Variants in SLC24A2 observed in about 807,000 individuals in gnomAD.
SLC24A2 encodes the protein sodium/potassium/calcium exchanger 2.
SLC24A2 carries 36 observed loss-of-function variants against 62.0 expected under a neutral mutation model. The ratio of observed to expected loss-of-function variants is 0.58; its 90% CI spans 0.44 to 0.77. The LOEUF is 0.77. Among genes scored for constraint, SLC24A2 ranks in the 30% least tolerant of loss-of-function variants. The pLI is 0.00. For missense variants in SLC24A2, 846 were observed against 817.9 expected (o/e 1.03, Z -0.42); for synonymous variants, 358 against 294.0 (o/e 1.22, Z -2.23).
the SLC24A2 span, among the ~76,000 whole-genome samples, chr9:20,137,798 A>G: frequency 7.2e-5 from 11 of 152,326 alleles, no homozygotes; most frequent in African/African-American, 2.4e-4. Flanking sequence ...ATGTTGAATG[A>G]AAAACAGCCA....
At chr9:19,519,314 T>C (rs184154123) in intron 10 of SLC24A2, among the ~76,000 whole-genome samples, 1 of 140,772 alleles carries the variant, frequency 7.1e-6, no homozygotes, top group Admixed American at 7.0e-5. Flanking sequence ...TTCCGAGTAA[T>C]AGGATTAGGA....
In SLC24A2 at chr9:19,511,412, G is replaced by A. The variant is rs1429208183; in HGVS notation, c.*4741C>T. 2.0e-5 allele frequency: 3 copies of A among 152,064 alleles called. No homozygotes were observed. Among genetic ancestry groups the A allele is most frequent in the Admixed American group, 1.3e-4 (2 of 15,256 alleles). 9.4% of individuals were successfully genotyped at this position (152,064 alleles called of 1,614,324 possible). On this transcript the variant is annotated 3_prime_UTR_variant, in exon 11 of 11. Transcript: ENST00000341998. ...TAAAAAAATCTAAAACTGTATATGG[G>A]CTCTTGTAATTGGCTAAACATAGCC...
chr9:19,762,704 T>C (rs1022783714), intron 2 of SLC24A2, among the ~76,000 whole-genome samples: 14 of 152,278 alleles, frequency 9.2e-5, no homozygotes, highest in African/African-American at 3.1e-4. Flanking sequence ...CTGTTTTGGT[T>C]ACTGTGGCCT....
intron 8 of SLC24A2, among the ~76,000 whole-genome samples, chr9:19,541,516 TC>T: frequency 7.0e-6 from 1 of 143,782 alleles, no homozygotes; most frequent in South Asian, 2.3e-4. Flanking sequence ...GTTAGGCTGC[TC>T]GGGGGTCAGG....
the SLC24A2 span, among the ~76,000 whole-genome samples, chr9:20,051,477 G>A: frequency 6.6e-6 from 1 of 151,872 alleles, no homozygotes; most frequent in African/African-American, 2.4e-5. Context: ...TCAACAACAT[G>A]ATTAGCAAAC....
the SLC24A2 span, among the ~76,000 whole-genome samples, chr9:20,137,719 A>C: frequency 6.6e-6 from 1 of 152,158 alleles, no homozygotes; most frequent in East Asian, 1.9e-4. Flanking sequence ...TGTTTAGGCT[A>C]TTTTTAGAGC....
At chr9:19,945,890 C>T in the SLC24A2 span, among the ~76,000 whole-genome samples, 1 of 152,178 alleles carries the variant, frequency 6.6e-6, no homozygotes, top group African/African-American at 2.4e-5. Context: ...AGGAGGCTGC[C>T]AAGTTCCTAT....
At position 19,666,427 on chromosome 9, in the gene SLC24A2, T is replaced by C. The variant is rs1209392873; in HGVS notation, c.931-44128A>G. Among the ~76,000 whole-genome samples the C allele has an allele frequency of 3.3e-5, 5 of 152,258 alleles. No individual in the cohort carries two copies. The East Asian group carries it at 7.7e-4, about 24-fold the overall frequency. ...TTTTAAAAAAATCATTATTTTAAAA[T>C]AAAGTAGAGAGGATCTTGTTTTTAT... On this transcript the variant is annotated intron_variant, in intron 2 of 10. Coordinates refer to ENST00000341998, the MANE Select transcript of SLC24A2 (RefSeq NM_020344.4).
the SLC24A2 span, among the ~76,000 whole-genome samples, chr9:20,010,437 T>G: frequency 6.6e-6 from 1 of 152,060 alleles, no homozygotes; most frequent in Non-Finnish European, 1.5e-5. Flanking sequence ...TGACATATAA[T>G]TCAGAATAAT....
At chr9:19,841,935 A>C in the SLC24A2 span, among the ~76,000 whole-genome samples, 1 of 152,332 alleles carries the variant, frequency 6.6e-6, no homozygotes, top group South Asian at 2.1e-4. Flanking sequence ...TGGGCTTAAC[A>C]GCATGAACTT....
rs72687727 is a variant in SLC24A2 at position 19,750,925 on chromosome 9, A to T, written c.930+35012T>A. Among the ~76,000 whole-genome samples, 126 of 152,160 alleles carry T rather than the reference A, an allele frequency of 8.3e-4. 1 individual carries two copies. Among genetic ancestry groups the T allele is most frequent in the South Asian group, 1.5e-3 (7 of 4,812 alleles). ...CTTTTGTCTGGCAAACTCACTGAAGACCCTGCTCTAGTGTTAGACCGGCTT... is the reference window on the plus strand; with the variant it reads ...CTTTTGTCTGGCAAACTCACTGAAGTCCCTGCTCTAGTGTTAGACCGGCTT... On this transcript the variant is annotated intron_variant, in intron 2 of 10. Transcript: ENST00000341998.
the SLC24A2 span, among the ~76,000 whole-genome samples, chr9:20,053,223 C>T: frequency 1.3e-5 from 2 of 152,096 alleles, no homozygotes; most frequent in Admixed American, 6.6e-5. Flanking sequence ...TATCCTTCTG[C>T]TTCATCCAGC....
chr9:20,269,240 A>G, the SLC24A2 span, among the ~76,000 whole-genome samples: 1 of 152,110 alleles, frequency 6.6e-6, no homozygotes, highest in Non-Finnish European at 1.5e-5. Context: ...ATAAATGCAT[A>G]TGAATCTTTC....
the SLC24A2 span, among the ~76,000 whole-genome samples, chr9:20,190,249 C>G: frequency 6.6e-6 from 1 of 152,114 alleles, no homozygotes; most frequent in African/African-American, 2.4e-5. Flanking sequence ...AGGGACTATG[C>G]CAGGGCAGTC....
At chr9:20,193,341 C>T in the SLC24A2 span, among the ~76,000 whole-genome samples, 3 of 152,012 alleles carry the variant, frequency 2.0e-5, no homozygotes, top group Non-Finnish European at 4.4e-5. Context: ...TAAAATGGTA[C>T]CTGGCTAGAG....
the SLC24A2 span, among the ~76,000 whole-genome samples, chr9:20,019,137 GAAAGAAAGAAAGAA>G: frequency 1.7e-3 from 183 of 105,478 alleles, 5 homozygotes; most frequent in African/African-American, 6.5e-3. Flanking sequence ...AAGAAAGAAA[GAAAGAAAGAAAGAA>G]AGAAAGAGAG....
the SLC24A2 span, among the ~76,000 whole-genome samples, chr9:19,846,632 G>T: frequency 6.6e-6 from 1 of 152,116 alleles, no homozygotes; most frequent in Admixed American, 6.6e-5. Flanking sequence ...TTATTACAAA[G>T]TTGTTAGCTG....
chr9:20,237,008 A>G, the SLC24A2 span, among the ~76,000 whole-genome samples: 1 of 152,028 alleles, frequency 6.6e-6, no homozygotes, highest in Non-Finnish European at 1.5e-5. Context: ...AGCAGAAGCC[A>G]GGTGTGTCTC....
intron 2 of SLC24A2, among the ~76,000 whole-genome samples, chr9:19,642,773 C>T (rs1327409125): frequency 1.7e-4 from 25 of 145,284 alleles, no homozygotes; most frequent in African/African-American, 6.1e-4. Flanking sequence ...CTCCGCCTCC[C>T]GGGTTCAAGC....
Sources: allele counts gnomAD v4.1 joint callset (sites outside exome capture counted in the v4.1 genomes callset), GRCh38; gene constraint gnomAD v4.1.1; transcripts MANE v1.5; gene names NCBI Gene and HGNC (gene_info 2026-07-23, HGNC 2026-07-21).